The following SLC25A21 variants were observed in gnomAD, a reference collection of about 807,000 sequenced individuals.
The protein encoded by SLC25A21 is mitochondrial 2-oxodicarboxylate carrier.
In SLC25A21, 47 loss-of-function variants were observed where a neutral mutation model predicts 43.8. That is an observed-to-expected ratio of 1.07 (90% CI 0.85 to 1.37). The LOEUF is 1.37. Among genes scored for constraint, SLC25A21 ranks in the 40% most tolerant of loss-of-function variants. SLC25A21 has a pLI of 0.00. For synonymous variants in SLC25A21, 131 were observed against 121.3 expected (o/e 1.08, Z -0.52); for missense variants, 352 against 350.2 (o/e 1.00, Z -0.04).
chr14:36,735,880 AGGAAGAAAGGGAT>A (rs1287353552), intron 3 of SLC25A21, among the ~76,000 whole-genome samples: 2 of 146,206 alleles, frequency 1.4e-5, no homozygotes, highest in East Asian at 4.0e-4. Flanking sequence ...TCTCATAAAG[AGGAAGAAAGGGAT>A]CAAATTATTC....
chr14:37,099,259 T>C (rs1311679250), intron 1 of SLC25A21, among the ~76,000 whole-genome samples: 1 of 152,140 alleles, frequency 6.6e-6, no homozygotes, highest in Non-Finnish European at 1.5e-5. Context: ...CTTTTCTTTG[T>C]GTGTCTATCT....
chr14:36,866,370 A>G (rs914182900), intron 2 of SLC25A21, among the ~76,000 whole-genome samples: 7 of 152,168 alleles, frequency 4.6e-5, no homozygotes, highest in Admixed American at 3.3e-4. Flanking sequence ...AAATGATAAA[A>G]AATGATTCAG....
intron 1 of SLC25A21, among the ~76,000 whole-genome samples, chr14:36,989,538 C>T (rs1960218729): frequency 6.6e-6 from 1 of 151,140 alleles, no homozygotes; most frequent in Admixed American, 6.6e-5. Flanking sequence ...TAACTACAGA[C>T]AGCCTGTTAA....
chr14:37,107,886 T>A (rs140139460), intron 1 of SLC25A21, among the ~76,000 whole-genome samples: 1 of 152,136 alleles, frequency 6.6e-6, no homozygotes, highest in Non-Finnish European at 1.5e-5. Context: ...CTAGTAAAAA[T>A]GACAATAGGC....
chr14:37,126,861 T>C (rs1963306776), intron 1 of SLC25A21, among the ~76,000 whole-genome samples: 1 of 152,216 alleles, frequency 6.6e-6, no homozygotes, highest in Non-Finnish European at 1.5e-5. Flanking sequence ...TCATTTTTTA[T>C]AGAGTTCTTG....
At chr14:36,858,165 C>T (rs544347954) in intron 2 of SLC25A21, among the ~76,000 whole-genome samples, 3 of 152,040 alleles carry the variant, frequency 2.0e-5, no homozygotes, top group African/African-American at 7.2e-5. Flanking sequence ...GTAACGTTTG[C>T]AAAACCTCTT....
chr14:37,068,408 T>C (rs1260362983), intron 1 of SLC25A21, among the ~76,000 whole-genome samples: 6 of 152,132 alleles, frequency 3.9e-5, no homozygotes, highest in Non-Finnish European at 8.8e-5. Context: ...GAAAGCACTA[T>C]AACAATTCAA....
intron 1 of SLC25A21, among the ~76,000 whole-genome samples, chr14:37,074,135 A>C (rs569859220): frequency 3.9e-5 from 6 of 152,162 alleles, no homozygotes; most frequent in Non-Finnish European, 8.8e-5. Context: ...CCATACATAC[A>C]ACTTAATATA....
chr14:36,783,771 T>G (rs961679752), intron 3 of SLC25A21, among the ~76,000 whole-genome samples: 8 of 152,206 alleles, frequency 5.3e-5, no homozygotes, highest in African/African-American at 1.4e-4. Context: ...TATACTTGTC[T>G]GTAAGTGGTG....
chr14:36,688,933 TTTC>T (rs1882671270), intron 7 of SLC25A21, among the ~76,000 whole-genome samples: 1 of 152,248 alleles, frequency 6.6e-6, no homozygotes, highest in Non-Finnish European at 1.5e-5. Flanking sequence ...AGGCATAGTT[TTTC>T]TTCTTATACT....
At chr14:36,767,912 G>A (rs1886474543) in intron 3 of SLC25A21, among the ~76,000 whole-genome samples, 1 of 152,186 alleles carries the variant, frequency 6.6e-6, no homozygotes, top group African/African-American at 2.4e-5. Context: ...TGGATCTGAA[G>A]TTTTAACCCT....
At chr14:37,038,524 G>A (rs1349366178) in intron 1 of SLC25A21, among the ~76,000 whole-genome samples, 1 of 152,134 alleles carries the variant, frequency 6.6e-6, no homozygotes, top group Middle Eastern at 3.4e-3. Context: ...AGTCTTTTAA[G>A]AGTTTTCTGT....
At chr14:36,820,704 C>T (rs1381668477) in intron 2 of SLC25A21, among the ~76,000 whole-genome samples, 1 of 152,148 alleles carries the variant, frequency 6.6e-6, no homozygotes, top group East Asian at 1.9e-4. Flanking sequence ...TAGACCTTGC[C>T]TTTTGTATTC....
At position 36,782,836 on chromosome 14, in the gene SLC25A21, A is replaced by C. The variant is rs541227848; in HGVS notation, c.203+31082T>G. Reference sequence around the variant, plus strand: ...GGGAGGGGGGAGGGATAGCATTGGGAGATATACCTAATGCTAGATGACGAG... The same window carrying C: ...GGGAGGGGGGAGGGATAGCATTGGGCGATATACCTAATGCTAGATGACGAG... On this transcript the variant is annotated intron_variant, in intron 3 of 9. Coordinates refer to ENST00000331299, the MANE Select transcript of SLC25A21 (RefSeq NM_030631.4). Among the ~76,000 whole-genome samples, 571 of 150,726 alleles carry C rather than the reference A, an allele frequency of 3.8e-3. 2 individuals carry two copies. Among genetic ancestry groups the C allele is most frequent in the Middle Eastern group, 0.02 (6 of 294 alleles).
chr14:36,789,915 T>A (rs188353636), intron 3 of SLC25A21, among the ~76,000 whole-genome samples: 4,653 of 122,622 alleles, frequency 0.038, 121 homozygotes, highest in African/African-American at 0.047. Context: ...TTTATATATA[T>A]TATATATTTA....
At chr14:36,804,718 T>A (rs777956466) in intron 3 of SLC25A21, among the ~76,000 whole-genome samples, 1 of 152,250 alleles carries the variant, frequency 6.6e-6, no homozygotes, top group Non-Finnish European at 1.5e-5. Flanking sequence ...AAGTCATTGA[T>A]GAAAATAAAC....
At chr14:36,726,408 G>A (rs528184187) in intron 5 of SLC25A21, among the ~76,000 whole-genome samples, 1 of 150,490 alleles carries the variant, frequency 6.6e-6, no homozygotes. Flanking sequence ...ACTGCAGCCT[G>A]AGCAACAGAG....
chr14:36,780,057 T>C (rs991707051), intron 3 of SLC25A21, among the ~76,000 whole-genome samples: 1 of 152,004 alleles, frequency 6.6e-6, no homozygotes, highest in Admixed American at 6.6e-5. Context: ...TATTTCTTCA[T>C]ATTGCAGTCT....
chr14:36,862,177 C>T (rs1445029519), intron 2 of SLC25A21, among the ~76,000 whole-genome samples: 6 of 152,152 alleles, frequency 3.9e-5, no homozygotes, highest in African/African-American at 1.4e-4. Flanking sequence ...TAAACTAGTT[C>T]AGCCATTGTG....
Sources: allele counts gnomAD v4.1 joint callset (sites outside exome capture counted in the v4.1 genomes callset), GRCh38; gene constraint gnomAD v4.1.1; transcripts MANE v1.5; gene names NCBI Gene and HGNC (gene_info 2026-07-23, HGNC 2026-07-21).